WDR33: variants seen among roughly 807,000 people sequenced by gnomAD.
The protein encoded by WDR33 is pre-mRNA 3' end processing protein WDR33.
Under a neutral mutation model 164.9 loss-of-function variants are expected in WDR33, and 47 were observed. That is an observed-to-expected ratio of 0.29 (90% CI 0.23 to 0.36). The LOEUF (loss-of-function observed/expected upper bound fraction) is 0.36. WDR33 is among the 10% of genes least tolerant of loss of function. WDR33 has a pLI of 1.00. For missense variants in WDR33, 1,137 were observed against 1,754.1 expected (o/e 0.65, Z 6.28); for synonymous variants, 505 against 589.0 (o/e 0.86, Z 2.06).
At position 127,704,085 on chromosome 2, in the gene WDR33, C is replaced by T. The variant is rs1247769066; in HGVS notation, c.*2238G>A. 2 of 166,498 alleles carry T rather than the reference C, an allele frequency of 1.2e-5. No homozygotes were observed. Among genetic ancestry groups the T allele is most frequent in the Non-Finnish European group, 1.5e-5 (1 of 68,094 alleles). 10.3% of individuals were successfully genotyped at this position (166,498 alleles called of 1,614,324 possible). A position where few individuals can be genotyped will look rare whatever the true frequency, so the allele number is the denominator to read the frequency against. On this transcript the variant is annotated 3_prime_UTR_variant, in exon 22 of 22. Transcript: ENST00000322313. Reference sequence around the variant, plus strand: ...GCTGCAGTGAACTGTGATCACACCACTGCACCACAGCCTAGGCAACAGCGA... The same window carrying T: ...GCTGCAGTGAACTGTGATCACACCATTGCACCACAGCCTAGGCAACAGCGA...
intron 1 of WDR33, among the ~76,000 whole-genome samples, chr2:127,804,712 G>A (rs1164498173): frequency 6.6e-6 from 1 of 151,868 alleles, no homozygotes; most frequent in Non-Finnish European, 1.5e-5. Context: ...CACGAAAGGG[G>A]GAAAGCAAAA....
chr2:127,738,946 T>TC lies in WDR33; in HGVS notation c.725-12170dup, dbSNP rs1421898736. Among the ~76,000 whole-genome samples, 1 of 152,130 alleles carries TC rather than the reference T, an allele frequency of 6.6e-6. No homozygotes were observed. The highest frequency in any genetic ancestry group is 2.4e-5 in the African/African-American group (1 of 41,412). ...AATCTAGCATTCAATATCCAACCAG[T>TC]CCCGTTATAAATGTAAACATGAAAT... On this transcript the variant is annotated intron_variant, in intron 7 of 21. Coordinates refer to ENST00000322313, the MANE Select transcript of WDR33 (RefSeq NM_018383.5). This position sits in a 1 kb window ranked among gnomAD's most constrained non-coding sequence, Gnocchi z 4.4.
In WDR33 at chr2:127,718,644, T is replaced by A. The variant is rs1445688299; in HGVS notation, c.2760+621A>T. Among the ~76,000 whole-genome samples the A allele has an allele frequency of 6.6e-6, 1 of 152,202 alleles. No homozygotes were observed. Among genetic ancestry groups the A allele is most frequent in the African/African-American group, 2.4e-5 (1 of 41,444 alleles). ...TCCCCCCTGCAAATACTTTTATATG[T>A]GAGCTGAAAACAACTTGAGCAGAGT... On this transcript the variant is annotated intron_variant, in intron 16 of 21. Coordinates refer to ENST00000322313, the MANE Select transcript of WDR33 (RefSeq NM_018383.5). This position sits in a 1 kb window ranked among gnomAD's most constrained non-coding sequence, Gnocchi z 4.4.
chr2:127,777,673 T>A (rs1233844783), intron 1 of WDR33, among the ~76,000 whole-genome samples: 3 of 152,196 alleles, frequency 2.0e-5, no homozygotes, highest in Non-Finnish European at 4.4e-5. Flanking sequence ...TTGCTCAGGA[T>A]GGAATACAGT....
chr2:127,775,186 TA>T lies in WDR33; in HGVS notation c.-23-4183del, dbSNP rs202070320. On this transcript the variant is annotated intron_variant, in intron 1 of 21. Coordinates refer to ENST00000322313, the MANE Select transcript of WDR33 (RefSeq NM_018383.5). ...TTAAAGAATAATGGGCTTAATCTATTAAAAAAAAAAATTTTTTTTTGAGACG... is the reference window on the plus strand; with the variant it reads ...TTAAAGAATAATGGGCTTAATCTATTAAAAAAAAAATTTTTTTTTGAGACG... Among the ~76,000 whole-genome samples the T allele has an allele frequency of 4.1e-3, 615 of 150,344 alleles. 17 individuals carry two copies. The East Asian group carries it at 0.073, about 18-fold the overall frequency.
At chr2:127,807,281 C>T (rs1242140062) in intron 1 of WDR33, among the ~76,000 whole-genome samples, 2 of 152,186 alleles carry the variant, frequency 1.3e-5, no homozygotes, top group African/African-American at 4.8e-5. Context: ...GCTGGGATTA[C>T]AGATGTGAGC....
At position 127,701,392 on chromosome 2, in the gene WDR33, C is replaced by G; in HGVS notation, c.*4931G>C. On this transcript the variant is annotated 3_prime_UTR_variant, in exon 22 of 22. Coordinates refer to ENST00000322313, the MANE Select transcript of WDR33 (RefSeq NM_018383.5). ...ACCACAAAAGTCCGCAGAGCAGGCACCGCGGCACTTCCGCGAGCGCCGCAG... is the reference window on the plus strand; with the variant it reads ...ACCACAAAAGTCCGCAGAGCAGGCAGCGCGGCACTTCCGCGAGCGCCGCAG... 3 of 862,114 alleles carry G rather than the reference C, an allele frequency of 3.5e-6. No individual in the cohort carries two copies. The highest frequency in any genetic ancestry group is 4.1e-4 in the Middle Eastern group (1 of 2,456). 53.4% of individuals were successfully genotyped at this position (862,114 alleles called of 1,614,324 possible). A position where few individuals can be genotyped will look rare whatever the true frequency, so the allele number is the denominator to read the frequency against.
chr2:127,755,600 G>C (rs975054076), intron 7 of WDR33, among the ~76,000 whole-genome samples: 2 of 152,202 alleles, frequency 1.3e-5, no homozygotes, highest in African/African-American at 4.8e-5. Flanking sequence ...GCGCGTGCAT[G>C]CATGTGTGCG....
At position 127,722,970 on chromosome 2, in the gene WDR33, G is replaced by C. The variant is rs200713285; in HGVS notation, c.1366C>G (p.Gln456Glu). The C allele has an allele frequency of 6.2e-7, 1 of 1,610,410 alleles. No individual in the cohort carries two copies. Among genetic ancestry groups the C allele is most frequent in the Non-Finnish European group, 8.5e-7 (1 of 1,178,950 alleles). ...IPEQLKLAME[Q>E]EQMGKDESNE... ...TAACTTCTCTTACCCATCTGTTCTT[G>C]TTCCATAGCTAATTTTAGTTGTTCT... Residue 456 changes from glutamine (Q) to glutamate (E), a missense_variant, in exon 13 of 22, where the codon CAA becomes GAA. This residue lies in a region of WDR33 where 75 missense variants were observed against 124.7 expected (regional missense o/e 0.60). Transcript: ENST00000322313. The surrounding 1 kb of genome is among the most constrained non-coding windows in gnomAD (Gnocchi z 5.1).
chr2:127,725,723 G>A (rs1278485100), intron 8 of WDR33, among the ~76,000 whole-genome samples: 3 of 145,036 alleles, frequency 2.1e-5, no homozygotes, highest in Non-Finnish European at 3.0e-5. Flanking sequence ...GACAGAGCGA[G>A]ACTCTGTCTC....
intron 17 of WDR33, among the ~76,000 whole-genome samples, chr2:127,715,155 G>A (rs946484073): frequency 7.1e-6 from 1 of 140,462 alleles, no homozygotes; most frequent in African/African-American, 2.7e-5. Context: ...GAAGTGGCGT[G>A]ATCTCAGCTC....
intron 1 of WDR33, among the ~76,000 whole-genome samples, chr2:127,782,823 C>G (rs1326015166): frequency 6.6e-6 from 1 of 152,168 alleles, no homozygotes; most frequent in Non-Finnish European, 1.5e-5. Flanking sequence ...TCCTGGCTAA[C>G]ATGGTGAAAC....
At chr2:127,782,666 A>G (rs1050356548) in intron 1 of WDR33, among the ~76,000 whole-genome samples, 1 of 152,222 alleles carries the variant, frequency 6.6e-6, no homozygotes, top group Admixed American at 6.5e-5. Flanking sequence ...ACAACTATTT[A>G]CACAACATTC....
chr2:127,768,288 G>A lies in WDR33; in HGVS notation c.279C>T (p.Val93=). 2 of 1,540,238 alleles carry A rather than the reference G, an allele frequency of 1.3e-6. No homozygotes were observed. The highest frequency in any genetic ancestry group is 1.3e-5 in the South Asian group (1 of 78,134). Residue 93 remains valine (V), a synonymous_variant, in exon 4 of 22, where the codon GTC becomes GTT. Coordinates refer to ENST00000322313, the MANE Select transcript of WDR33 (RefSeq NM_018383.5). ...QPDAGYYNDL[V]PPIGMLNNPM... ...GATTATTCAACATTCCTATAGGTGG[G>A]ACCAGCTACAAAAAAGGAAAATTGG... is the stretch of plus-strand genomic sequence containing the variant.
Position 127,797,374 on chromosome 2 carries a change from C to T in WDR33, c.-24+13638G>A, listed in dbSNP as rs541177624. Among the ~76,000 whole-genome samples the T allele has an allele frequency of 2.0e-5, 3 of 152,164 alleles. No homozygotes were observed. In the East Asian group the frequency reaches 5.8e-4, roughly 29 times the overall value. Reference sequence around the variant, plus strand: ...GGGCGTGGTGGCGCACACCTGTAATCCCAGCTACTTAGGAGGCTGAGGCAG... The same window carrying T: ...GGGCGTGGTGGCGCACACCTGTAATTCCAGCTACTTAGGAGGCTGAGGCAG... On this transcript the variant is annotated intron_variant, in intron 1 of 21. Transcript: ENST00000322313.
intron 1 of WDR33, among the ~76,000 whole-genome samples, chr2:127,781,159 C>T (rs1688356409): frequency 1.3e-5 from 2 of 152,264 alleles, no homozygotes; most frequent in Admixed American, 6.5e-5. Flanking sequence ...CCACCATGCC[C>T]GGCCCAATTA....
intron 1 of WDR33, among the ~76,000 whole-genome samples, chr2:127,799,705 G>A (rs1039618669): frequency 7.9e-5 from 12 of 152,196 alleles, no homozygotes; most frequent in Admixed American, 6.6e-5. Context: ...TGAAGCAGGA[G>A]AATCGCATCA....
chr2:127,771,734 TGCCACC>T (rs1257116231), intron 1 of WDR33, among the ~76,000 whole-genome samples: 2 of 137,916 alleles, frequency 1.5e-5, no homozygotes, highest in Non-Finnish European at 3.1e-5. Context: ...GCCATGATCA[TGCCACC>T]GCACTCCAGC....
At position 127,735,959 on chromosome 2, in the gene WDR33, G is replaced by A; in HGVS notation, c.725-9182C>T. 1 of 985,452 alleles carries A rather than the reference G, an allele frequency of 1.0e-6. No homozygotes were observed. Among genetic ancestry groups the A allele is most frequent in the African/African-American group, 1.7e-5 (1 of 57,354 alleles). 61.0% of individuals were successfully genotyped at this position (985,452 alleles called of 1,614,324 possible). ...ATGGAAAGTTAATTCTGGAAAGGGGGTATGCCTAGGCAGGGCAGTGTTTTC... is the reference window on the plus strand; with the variant it reads ...ATGGAAAGTTAATTCTGGAAAGGGGATATGCCTAGGCAGGGCAGTGTTTTC... On this transcript the variant is annotated intron_variant, in intron 7 of 21. Transcript: ENST00000322313. This position sits in a 1 kb window ranked among gnomAD's most constrained non-coding sequence, Gnocchi z 4.3.
Sources: allele counts gnomAD v4.1 joint callset (sites outside exome capture counted in the v4.1 genomes callset), GRCh38; gene constraint gnomAD v4.1.1; regional missense constraint gnomAD v4.1.1; non-coding constraint Gnocchi (gnomAD v3.1); transcripts MANE v1.5; gene names NCBI Gene and HGNC (gene_info 2026-07-23, HGNC 2026-07-21).